Variants in LCE1F observed in about 807,000 individuals in gnomAD.
LCE1F encodes late cornified envelope 1F.
For synonymous variants in LCE1F, 67 were observed against 59.9 expected, an observed-to-expected ratio of 1.12 and a Z score of -0.55; for missense variants, 154 against 153.5, an observed-to-expected ratio of 1.00 and a Z score of -0.02.
chr1:152,776,763 GC>G lies in LCE1F; in HGVS notation c.*36del. 6.6e-7 allele frequency: 1 copy of G among 1,515,858 alleles called. No individual in the cohort carries two copies. Among genetic ancestry groups the G allele is most frequent in the Non-Finnish European group, 8.8e-7 (1 of 1,133,500 alleles). The allele number at this position is 1,515,858 out of a possible 1,614,324, so 93.9% of individuals were successfully genotyped here. A position where few individuals can be genotyped will look rare whatever the true frequency, so the allele number is the denominator to read the frequency against. On this transcript the variant is annotated 3_prime_UTR_variant, in exon 2 of 2. Transcript: ENST00000334371. ...TGTGCCTAAAAGAGCAGATTTAGAG[GC>G]ATGAAAGGGGCAACTTCATCTTCCT...
At position 152,776,377 on chromosome 1, in the gene LCE1F, T is replaced by C. The variant is rs2101572781; in HGVS notation, c.6T>C (p.Ser2=). Residue 2 remains serine, a synonymous_variant, in exon 2 of 2, where the codon TCT becomes TCC. Transcript: ENST00000334371. ...CCTGAACACCCGCCACCGAGATGTC[T>C]TGCCAGCAGAGCCAGCAGCAGTGCC... M[S]CQQSQQQCQP... The C allele has an allele frequency of 6.2e-7, 1 of 1,613,834 alleles. No homozygotes were observed. The highest frequency in any genetic ancestry group is 8.5e-7 in the Non-Finnish European group (1 of 1,179,942).
rs774961624 is a variant in LCE1F, at chr1:152,776,362, C to T, written c.-10C>T. The T allele has an allele frequency of 9.9e-6, 16 of 1,612,688 alleles. No homozygotes were observed. The highest frequency in any genetic ancestry group is 1.6e-4 in the Middle Eastern group (1 of 6,074). On this transcript the variant is annotated 5_prime_UTR_variant, in exon 2 of 2. Transcript: ENST00000334371. ...GACCCTCCTTCAGCTCCTGAACACC[C>T]GCCACCGAGATGTCTTGCCAGCAGA...
rs115176407 is a variant in LCE1F, at chr1:152,776,859, C to G, written c.*131C>G. On this transcript the variant is annotated 3_prime_UTR_variant, in exon 2 of 2. Coordinates refer to ENST00000334371, the MANE Select transcript of LCE1F (RefSeq NM_178354.3). The stretch of plus-strand genomic sequence containing the variant: ...CTCTGTCCTGGAAGATTCCTCCGAC[C>G]TAGAATCCAGAAATCTGCCCTCTCA... 2,627 of 1,133,398 alleles carry G rather than the reference C, an allele frequency of 2.3e-3. 36 individuals are homozygous for G. In the African/African-American group the frequency reaches 0.035, roughly 15 times the overall value. The allele number at this position is 1,133,398 out of a possible 1,614,324, so 70.2% of individuals were successfully genotyped here.
In LCE1F at chr1:152,776,470, TCCCCCTAAGTG is replaced by T. The variant is rs1400493345; in HGVS notation, c.103_113del (p.Pro35SerfsTer46). Reference sequence around the variant, plus strand: ...CCACACCGAAGTGCCCCCCAAAGTGTCCCCCTAAGTGCCCTCCTGTCTCTTCCTGCTGCAGC... The same window carrying T: ...CCACACCGAAGTGCCCCCCAAAGTGTCCCTCCTGTCTCTTCCTGCTGCAGC... On this transcript the variant is annotated frameshift_variant, in exon 2 of 2. Coordinates refer to ENST00000334371, the MANE Select transcript of LCE1F (RefSeq NM_178354.3). LOFTEE classifies it high-confidence loss of function. The T allele has an allele frequency of 4.4e-6, 7 of 1,597,794 alleles. No individual in the cohort carries two copies. The highest frequency in any genetic ancestry group is 6.0e-6 in the Non-Finnish European group (7 of 1,174,374).
chr1:152,776,876 G>A lies in LCE1F; in HGVS notation c.*148G>A. 2.0e-6 allele frequency: 2 copies of A among 1,007,416 alleles called. No individual in the cohort carries two copies. The highest frequency in any genetic ancestry group is 4.3e-5 in the South Asian group (2 of 46,516). 62.4% of individuals were successfully genotyped at this position (1,007,416 alleles called of 1,614,324 possible). On this transcript the variant is annotated 3_prime_UTR_variant, in exon 2 of 2. Transcript: ENST00000334371. ...CCTCCGACCTAGAATCCAGAAATCT[G>A]CCCTCTCACAAGAATTCCTCTTCTG...
chr1:152,775,204 G>A lies in LCE1F; in HGVS notation c.-23+14G>A, dbSNP rs1329794509. The stretch of plus-strand genomic sequence containing the variant: ...CCTGTGATCCTGGTAAGTGTGCCCT[G>A]GAAAAAGGAGCAGGGGCTTCCACAG... On this transcript the variant is annotated intron_variant, in intron 1 of 1. Coordinates refer to ENST00000334371, the MANE Select transcript of LCE1F (RefSeq NM_178354.3). Among the ~76,000 whole-genome samples the A allele has an allele frequency of 6.6e-6, 1 of 152,184 alleles. No individual in the cohort carries two copies. The highest frequency in any genetic ancestry group is 2.4e-5 in the African/African-American group (1 of 41,440).
intron 1 of LCE1F, 100 bp from the exon 2 acceptor site, chr1:152,776,250 A>C: frequency 9.5e-7 from 1 of 1,052,542 alleles, no homozygotes; most frequent in South Asian, 1.5e-5. Context: ...GTTTGATATA[A>C]GGCTTTCAAA....
rs990201030 is a variant in LCE1F at position 152,776,557 on chromosome 1, TG to T, written c.191del (p.Gly64ValfsTer14). On this transcript the variant is annotated frameshift_variant, in exon 2 of 2. Transcript: ENST00000334371. LOFTEE classifies it high-confidence loss of function. ...GSSSGGCCSSGGGGCCSSGGG... is the reference protein window; with the variant it reads ...GSSSGGCCSSXGGGCCSSGGG... ...CCAGCTCTGGGGGCTGCTGCAGCTC[TG>T]GGGGTGGTGGCTGCTGCAGCTCTGG... 3.1e-6 allele frequency: 5 copies of T among 1,613,714 alleles called. No homozygotes were observed. The South Asian group carries it at 3.3e-5, about 11-fold the overall frequency.
Position 152,776,451 on chromosome 1 carries a change from CG to C in LCE1F, c.81del (p.Lys28SerfsTer50), listed in dbSNP as rs754294718. 1.3e-6 allele frequency: 2 copies of C among 1,597,562 alleles called. No homozygotes were observed. Among genetic ancestry groups the C allele is most frequent in the Non-Finnish European group, 1.7e-6 (2 of 1,175,462 alleles). Reference sequence around the variant, plus strand: ...AAGTGCCCTCCCAAGTGCCCCACACCGAAGTGCCCCCCAAAGTGTCCCCCTA... The same window carrying C: ...AAGTGCCCTCCCAAGTGCCCCACACCAAGTGCCCCCCAAAGTGTCCCCCTA... ...TPKCPPKCPT[P>X]KCPPKCPPKC... On this transcript the variant is annotated frameshift_variant, in exon 2 of 2. Transcript: ENST00000334371. LOFTEE classifies it high-confidence loss of function.
chr1:152,776,280 T>C (rs1196444322), intron 1 of LCE1F, 70 bp from the exon 2 acceptor site: 2 of 1,321,406 alleles, frequency 1.5e-6, no homozygotes, highest in Non-Finnish European at 2.1e-6. Context: ...CTAGAAATAA[T>C]GCAGAAAGGA....
intron 1 of LCE1F, 122 bp from the exon 2 acceptor site, chr1:152,776,228 T>G: frequency 1.2e-6 from 1 of 838,002 alleles, no homozygotes; most frequent in Non-Finnish European, 1.9e-6. Context: ...ACATTAGAGG[T>G]GATTTTCCTA....
rs1651623687 is a variant in LCE1F at position 152,776,863 on chromosome 1, A to G, written c.*135A>G. On this transcript the variant is annotated 3_prime_UTR_variant, in exon 2 of 2. Transcript: ENST00000334371. ...GTCCTGGAAGATTCCTCCGACCTAG[A>G]ATCCAGAAATCTGCCCTCTCACAAG... The G allele has an allele frequency of 2.8e-6, 3 of 1,078,112 alleles. No homozygotes were observed. The highest frequency in any genetic ancestry group is 3.2e-5 in the African/African-American group (2 of 62,954). The allele number at this position is 1,078,112 out of a possible 1,614,324, so 66.8% of individuals were successfully genotyped here.
At position 152,776,334 on chromosome 1, in the gene LCE1F, T is replaced by C. The variant is rs747770797; in HGVS notation, c.-22-16T>C. On this transcript the variant is annotated splice_polypyrimidine_tract_variant and intron_variant, in intron 1 of 1. Coordinates refer to ENST00000334371, the MANE Select transcript of LCE1F (RefSeq NM_178354.3). ...TCCTCTGCCTCCATCTAACTTGCTG[T>C]CTGACCCTCCTTCAGCTCCTGAACA... 3.1e-5 allele frequency: 50 copies of C among 1,605,974 alleles called. No homozygotes were observed. The highest frequency in any genetic ancestry group is 3.3e-4 in the Middle Eastern group (2 of 6,010).
chr1:152,775,786 G>A (rs893066064), intron 1 of LCE1F, among the ~76,000 whole-genome samples: 3 of 152,162 alleles, frequency 2.0e-5, no homozygotes, highest in Non-Finnish European at 4.4e-5. Flanking sequence ...CGGAACAAAT[G>A]TGACTGTTAA....
rs1351119803 is a variant in LCE1F at position 152,776,629 on chromosome 1, C to T, written c.258C>T (p.His86=). 6.2e-7 allele frequency: 1 copy of T among 1,612,264 alleles called. No homozygotes were observed. The highest frequency in any genetic ancestry group is 1.1e-5 in the South Asian group (1 of 90,950). Residue 86 remains histidine (H), a synonymous_variant, in exon 2 of 2, where the codon CAC becomes CAT. Transcript: ENST00000334371. ...GCCACCACAGACGGCGTAGGTCCCA[C>T]CGCCACAGACCCCAGAGCTCTGACT... ...CLSHHRRRRS[H]RHRPQSSDCC...
In LCE1F at chr1:152,776,792, G is replaced by A. The variant is rs534002789; in HGVS notation, c.*64G>A. 1.5e-3 allele frequency: 2,236 copies of A among 1,481,166 alleles called. 3 individuals carry two copies. The highest frequency in any genetic ancestry group is 1.9e-3 in the Non-Finnish European group (2,106 of 1,105,078). The allele number at this position is 1,481,166 out of a possible 1,614,324, so 91.8% of individuals were successfully genotyped here. On this transcript the variant is annotated 3_prime_UTR_variant, in exon 2 of 2. Coordinates refer to ENST00000334371, the MANE Select transcript of LCE1F (RefSeq NM_178354.3). ...GAAAGGGGCAACTTCATCTTCCTTGGGACTGACTGTGTTGCTGGGACATTT... is the reference window on the plus strand; with the variant it reads ...GAAAGGGGCAACTTCATCTTCCTTGAGACTGACTGTGTTGCTGGGACATTT...
In LCE1F at chr1:152,776,409, C is replaced by G. The variant is rs1415594835; in HGVS notation, c.38C>G (p.Pro13Arg). The G allele has an allele frequency of 4.3e-6, 7 of 1,613,888 alleles. No individual in the cohort carries two copies. The highest frequency in any genetic ancestry group is 1.3e-5 in the African/African-American group (1 of 74,850). ...CQQSQQQCQPPPKCTPKCPPK... is the reference protein window; with the variant it reads ...CQQSQQQCQPRPKCTPKCPPK... Reference sequence around the variant, plus strand: ...CAGAGCCAGCAGCAGTGCCAGCCCCCTCCCAAGTGCACTCCCAAGTGCCCT... The same window carrying G: ...CAGAGCCAGCAGCAGTGCCAGCCCCGTCCCAAGTGCACTCCCAAGTGCCCT... The change falls in exon 2 of 2, where the codon CCT (proline) becomes CGT (arginine). Residue 13 changes from proline (P) to arginine (R), a missense_variant. Coordinates refer to ENST00000334371, the MANE Select transcript of LCE1F (RefSeq NM_178354.3).
intron 1 of LCE1F, among the ~76,000 whole-genome samples, 134 bp downstream of exon 1, chr1:152,775,324 G>A (rs1420187973): frequency 1.3e-5 from 2 of 152,094 alleles, no homozygotes; most frequent in Admixed American, 6.5e-5. Flanking sequence ...ATTGTGATTG[G>A]CAAGGAATGG....
At chr1:152,776,057 A>C (rs1398650498) in intron 1 of LCE1F, among the ~76,000 whole-genome samples, 1 of 152,152 alleles carries the variant, frequency 6.6e-6, no homozygotes, top group Non-Finnish European at 1.5e-5. Flanking sequence ...GCCCGGAGCC[A>C]ATTTATTTCC....
Sources: allele counts gnomAD v4.1 joint callset (sites outside exome capture counted in the v4.1 genomes callset), GRCh38; gene constraint gnomAD v4.1.1; transcripts MANE v1.5; gene names NCBI Gene and HGNC (gene_info 2026-07-23, HGNC 2026-07-21).